Variants in NUB1 observed in about 807,000 individuals in gnomAD.
NUB1 encodes the protein NEDD8 ultimate buster 1.
Under a neutral mutation model 77.1 loss-of-function variants are expected in NUB1, and 41 were observed. The ratio of observed to expected loss-of-function variants is 0.53; its 90% CI spans 0.41 to 0.69. The LOEUF is 0.69. Among genes scored for constraint, NUB1 ranks in the 30% least tolerant of loss-of-function variants. The probability of loss-of-function intolerance (pLI) is 0.00; values close to 1 mark genes in which losing one functional copy is unlikely to be tolerated. For missense variants in NUB1, 643 were observed against 743.8 expected, an observed-to-expected ratio of 0.86 and a Z score of 1.58; for synonymous variants, 257 against 281.0, an observed-to-expected ratio of 0.91 and a Z score of 0.85.
chr7:151,368,709 T>G, intron 10 of NUB1, 26 bp from the exon 11 acceptor site: 1 of 1,582,748 alleles, frequency 6.3e-7, no homozygotes, highest in South Asian at 1.2e-5. Flanking sequence ...CGTGGTTACA[T>G]GATTCTTACA....
chr7:151,370,902 CT>C (rs1426164495), intron 11 of NUB1, among the ~76,000 whole-genome samples: 1 of 152,206 alleles, frequency 6.6e-6, no homozygotes, highest in Non-Finnish European at 1.5e-5. Flanking sequence ...GTTCTCATCA[CT>C]GTATAAGACT....
intron 8 of NUB1, among the ~76,000 whole-genome samples, chr7:151,361,738 G>A (rs531164891): frequency 2.6e-5 from 4 of 151,916 alleles, no homozygotes; most frequent in Admixed American, 6.6e-5. Flanking sequence ...CAACTTTAAC[G>A]TACACAAAAA....
chr7:151,376,624 T>C lies in NUB1; in HGVS notation c.1492-10T>C. 6.2e-7 allele frequency: 1 copy of C among 1,600,772 alleles called. No homozygotes were observed. Among genetic ancestry groups the C allele is most frequent in the Non-Finnish European group, 8.5e-7 (1 of 1,172,036 alleles). On this transcript the variant is annotated splice_polypyrimidine_tract_variant and intron_variant, in intron 13 of 14. Coordinates refer to ENST00000568733, the MANE Select transcript of NUB1 (RefSeq NM_001243351.2). ...GGGGCTGATGCTGTGACCCCTGCGC[T>C]CTCCCCTAGTTGGTGTACATGGGTT... is the stretch of plus-strand genomic sequence containing the variant.
intron 8 of NUB1, chr7:151,361,169 G>A (rs1797364411): frequency 6.6e-6 from 1 of 152,180 alleles, no homozygotes; most frequent in African/African-American, 2.4e-5. Flanking sequence ...GTATAGGAAA[G>A]TTAGAATAAA....
In NUB1 at chr7:151,368,062, GA is replaced by G; in HGVS notation, c.1095+97del. On this transcript the variant is annotated intron_variant, in intron 10 of 14. Transcript: ENST00000568733. The stretch of plus-strand genomic sequence containing the variant: ...TAACTTAGTAGTTTGTGACTTGTGA[GA>G]AACATGCCTGTGCTTTCTCCGTGCA... 5 of 708,740 alleles carry G rather than the reference GA, an allele frequency of 7.1e-6. No individual in the cohort carries two copies. In the South Asian group the frequency reaches 8.9e-5, roughly 13 times the overall value. 43.9% of individuals were successfully genotyped at this position (708,740 alleles called of 1,614,324 possible).
At chr7:151,345,514 T>G (rs763243180) in intron 2 of NUB1, 48 bp downstream of exon 2, 52 of 1,002,666 alleles carry the variant, frequency 5.2e-5, no homozygotes, top group Non-Finnish European at 6.8e-5. Context: ...ATAAATCTCC[T>G]TGGTAAATAA....
Position 151,349,127 on chromosome 7 carries a change from A to C in NUB1, c.172A>C (p.Lys58Gln). Residue 58 changes from lysine to glutamine, a missense_variant, in exon 3 of 15, where the codon AAG becomes CAG. Coordinates refer to ENST00000568733, the MANE Select transcript of NUB1 (RefSeq NM_001243351.2). The stretch of plus-strand genomic sequence containing the variant: ...AGAATGCTGTGAAAATGAAGTAGAA[A>C]AGGTAATAGAAGAAATACGTTGCAA... Reference protein sequence around the residue: ...RLECCENEVEKVIEEIRCKAI... With the variant: ...RLECCENEVEQVIEEIRCKAI... 1 of 1,613,756 alleles carries C rather than the reference A, an allele frequency of 6.2e-7. No homozygotes were observed. Among genetic ancestry groups the C allele is most frequent in the Non-Finnish European group, 8.5e-7 (1 of 1,179,790 alleles).
chr7:151,344,630 A>T (rs1283474019), intron 1 of NUB1, among the ~76,000 whole-genome samples: 1 of 152,006 alleles, frequency 6.6e-6, no homozygotes, highest in Non-Finnish European at 1.5e-5. Flanking sequence ...AATATTTATT[A>T]TCGATAGTTT....
Position 151,345,396 on chromosome 7 carries a change from G to A in NUB1, c.47G>A (p.Arg16Lys). Residue 16 changes from arginine (R) to lysine (K), a missense_variant, in exon 2 of 15, where the codon AGG (arginine) becomes AAG (lysine). Transcript: ENST00000568733. ...YLQAKLTQFL[R>K]EDRIQLWKPP... ...CAAGCAAAATTGACCCAGTTTTTAA[G>A]GGAAGACAGGATTCAACTTTGGAAA... 1 of 1,612,714 alleles carries A rather than the reference G, an allele frequency of 6.2e-7. No individual in the cohort carries two copies. Among genetic ancestry groups the A allele is most frequent in the Non-Finnish European group, 8.5e-7 (1 of 1,179,362 alleles).
Position 151,377,234 on chromosome 7 carries a change from C to A in NUB1, c.*9C>A. 6.6e-7 allele frequency: 1 copy of A among 1,507,902 alleles called. No individual in the cohort carries two copies. Among genetic ancestry groups the A allele is most frequent in the Admixed American group, 2.2e-5 (1 of 45,134 alleles). 93.4% of individuals were successfully genotyped at this position (1,507,902 alleles called of 1,614,324 possible). A position where few individuals can be genotyped will look rare whatever the true frequency, so the allele number is the denominator to read the frequency against. On this transcript the variant is annotated 3_prime_UTR_variant, in exon 15 of 15. Coordinates refer to ENST00000568733, the MANE Select transcript of NUB1 (RefSeq NM_001243351.2). ...CAACAAAGAAAAACTAAATAATGAA[C>A]AGAAATAGCGCTAATTTTCTGCTTA...
chr7:151,356,016 G>T (rs1797048362), intron 6 of NUB1, 66 bp downstream of exon 6: 2 of 1,562,326 alleles, frequency 1.3e-6, no homozygotes, highest in Non-Finnish European at 8.8e-7. Flanking sequence ...CACACAGTTG[G>T]GGGATCATGG....
At chr7:151,342,995 C>T (rs1384160079) in intron 1 of NUB1, among the ~76,000 whole-genome samples, 1 of 152,106 alleles carries the variant, frequency 6.6e-6, no homozygotes, top group Non-Finnish European at 1.5e-5. Flanking sequence ...CTCTGAGTAC[C>T]GCATCAGCCT....
intron 11 of NUB1, among the ~76,000 whole-genome samples, chr7:151,373,404 C>A (rs1798047820): frequency 6.6e-6 from 1 of 152,190 alleles, no homozygotes; most frequent in African/African-American, 2.4e-5. Flanking sequence ...TCCTGATTGG[C>A]CCTGGGTGGG....
intron 13 of NUB1, 104 bp from the exon 14 acceptor site, chr7:151,376,530 C>T (rs556594689): frequency 1.4e-5 from 16 of 1,111,802 alleles, no homozygotes; most frequent in East Asian, 5.2e-5. Context: ...GTGCACACGC[C>T]GGGAGCTCTT....
In NUB1 at chr7:151,376,792, G is replaced by A. The variant is rs779226162; in HGVS notation, c.1650G>A (p.Thr550=). Residue 550 remains threonine (T), a synonymous_variant, in exon 14 of 15, where the codon ACG becomes ACA. Coordinates refer to ENST00000568733, the MANE Select transcript of NUB1 (RefSeq NM_001243351.2). ...SPEDSLSPPA[T]SPSDSAGTSS... ...AAGACTCTTTGTCCCCGCCAGCCAC[G>A]TCCCCTTCTGACTCCGCAGGTAGGT... is the stretch of plus-strand genomic sequence containing the variant. The A allele has an allele frequency of 9.4e-6, 15 of 1,587,570 alleles. No homozygotes were observed. The highest frequency in any genetic ancestry group is 8.0e-5 in the African/African-American group (6 of 74,608).
At chr7:151,368,643 TG>T in intron 10 of NUB1, 91 bp from the exon 11 acceptor site, 1 of 1,401,134 alleles carries the variant, frequency 7.1e-7, no homozygotes, top group South Asian at 1.5e-5. Flanking sequence ...TAATTCACAT[TG>T]GATACAATCT....
rs1224981097 is a variant in NUB1, at chr7:151,374,083, C to G, written c.1249-14C>G. 18 of 1,548,568 alleles carry G rather than the reference C, an allele frequency of 1.2e-5. No homozygotes were observed. Among genetic ancestry groups the G allele is most frequent in the Non-Finnish European group, 1.6e-5 (18 of 1,145,416 alleles). ...GTCCCTAACTTGGGATGGGACTTTG[C>G]TGTTTTCCTAAAGGAACTGGCCCAA... On this transcript the variant is annotated splice_polypyrimidine_tract_variant and intron_variant, in intron 11 of 14. Transcript: ENST00000568733.
At chr7:151,376,495 C>T (rs1408564519) in intron 13 of NUB1, 139 bp from the exon 14 acceptor site, 9 of 818,806 alleles carry the variant, frequency 1.1e-5, no homozygotes, top group East Asian at 2.7e-5. Context: ...TGCACAGAAG[C>T]ATGACTTGTG....
intron 2 of NUB1, among the ~76,000 whole-genome samples, chr7:151,348,445 A>T (rs998507082): frequency 2.6e-5 from 4 of 151,798 alleles, no homozygotes; most frequent in African/African-American, 9.7e-5. Flanking sequence ...TAAATAGATC[A>T]CAGTCACATA....
Sources: gnomAD v4.1 joint callset for allele counts (sites outside exome capture counted in the v4.1 genomes callset) on GRCh38, gnomAD v4.1.1 for gene constraint, MANE v1.5 for transcripts, NCBI Gene and HGNC (gene_info 2026-07-23, HGNC 2026-07-21) for gene names.